The following NOTCH2NLC variants were observed in gnomAD, a reference collection of about 807,000 sequenced individuals.
The protein encoded by NOTCH2NLC is notch 2 N-terminal like C.
NOTCH2NLC carries 4 observed loss-of-function variants against 17.7 expected under a neutral mutation model. The ratio of observed to expected loss-of-function variants is 0.23; its 90% CI spans 0.11 to 0.52. The LOEUF (loss-of-function observed/expected upper bound fraction) is 0.52, where lower values mean the gene tolerates loss of function less well. NOTCH2NLC is among the 20% of genes least tolerant of loss of function. The pLI, the probability that NOTCH2NLC is intolerant of heterozygous loss-of-function variation, is 0.96. For missense variants in NOTCH2NLC, 57 were observed against 207.2 expected, an observed-to-expected ratio of 0.28 and a Z score of 4.45; for synonymous variants, 18 against 86.0, an observed-to-expected ratio of 0.21 and a Z score of 4.38.
At chr1:149,423,996 G>A (rs1156541701) in intron 1 of NOTCH2NLC, among the ~76,000 whole-genome samples, 6 of 150,664 alleles carry the variant, frequency 4.0e-5, no homozygotes, top group African/African-American at 1.2e-4. Flanking sequence ...AACAAAGGGA[G>A]GCTTTTAAGC....
Position 149,417,203 on chromosome 1 carries a change from G to A in NOTCH2NLC, c.136-13739G>A, listed in dbSNP as rs1340216659. ...CTGCTCACTGCAAGCTCCGCCTCCC[G>A]GGTTCACGCCATTCTCCTGCCTCAG... On this transcript the variant is annotated intron_variant, in intron 1 of 4. Transcript: ENST00000650865. Among the ~76,000 whole-genome samples the A allele has an allele frequency of 1.7e-4, 23 of 135,270 alleles. 1 individual carries two copies. Among genetic ancestry groups the A allele is most frequent in the Admixed American group, 5.9e-4 (7 of 11,842 alleles). 88.7% of individuals were successfully genotyped at this position (135,270 alleles called of 152,430 possible). A position where few individuals can be genotyped will look rare whatever the true frequency, so the allele number is the denominator to read the frequency against.
At chr1:149,447,259 G>A (rs1240332410) in intron 2 of NOTCH2NLC, among the ~76,000 whole-genome samples, 1 of 150,804 alleles carries the variant, frequency 6.6e-6, no homozygotes, top group Non-Finnish European at 1.5e-5. Context: ...TTCTTCCCAT[G>A]TCCATAATGC....
chr1:149,435,871 T>A lies in NOTCH2NLC; in HGVS notation c.209+4856T>A, dbSNP rs2084479510. Among the ~76,000 whole-genome samples, 2 of 147,720 alleles carry A rather than the reference T, an allele frequency of 1.4e-5. 1 individual carries two copies. Among genetic ancestry groups the A allele is most frequent in the Non-Finnish European group, 3.0e-5 (2 of 66,576 alleles). On this transcript the variant is annotated intron_variant, in intron 2 of 4. Coordinates refer to ENST00000650865, the MANE Select transcript of NOTCH2NLC (RefSeq NM_001364013.2). The stretch of plus-strand genomic sequence containing the variant: ...TGCTTGCACACTCTTCCTCTTCTGC[T>A]GCATGAACTGGGGTGTACCTTCACG...
intron 1 of NOTCH2NLC, among the ~76,000 whole-genome samples, chr1:149,428,986 A>T (rs1262993652): frequency 1.4e-5 from 2 of 146,498 alleles, no homozygotes; most frequent in African/African-American, 2.5e-5. Context: ...TCAGTTTGAG[A>T]ACTTTGGTAT....
chr1:149,432,267 G>A (rs2084455751), intron 2 of NOTCH2NLC, among the ~76,000 whole-genome samples: 1 of 149,340 alleles, frequency 6.7e-6, no homozygotes, highest in African/African-American at 2.5e-5. Context: ...TCTGACACCA[G>A]GATTTAGTTT....
chr1:149,413,029 C>T (rs1187646900), intron 1 of NOTCH2NLC, among the ~76,000 whole-genome samples: 2 of 146,476 alleles, frequency 1.4e-5, no homozygotes, highest in Non-Finnish European at 3.0e-5. Flanking sequence ...CTTAGCCTCC[C>T]GAGTAGCCGG....
Position 149,390,817 on chromosome 1 carries a change from C to CGGCGGCGGAGGA in NOTCH2NLC, c.38_39insAGGAGGCGGCGG (p.Gly15_Gly18dup), listed in dbSNP as rs1559602077. 6.1e-6 allele frequency: 8 copies of CGGCGGCGGAGGA among 1,301,534 alleles called. 1 individual carries two copies. Among genetic ancestry groups the CGGCGGCGGAGGA allele is most frequent in the African/African-American group, 1.6e-5 (1 of 62,092 alleles). The allele number at this position is 1,301,534 out of a possible 1,614,324, so 80.6% of individuals were successfully genotyped here. On this transcript the variant is annotated inframe_insertion, in exon 1 of 5. Coordinates refer to ENST00000650865, the MANE Select transcript of NOTCH2NLC (RefSeq NM_001364013.2). ...GGATCTGCCCAGGCGGCGGCGGCGG[C>CGGCGGCGGAGGA]GGCGGCGGCGGCGGAGGAGGCGGCG... is the stretch of plus-strand genomic sequence containing the variant.
At chr1:149,424,681 C>A (rs1381088559) in intron 1 of NOTCH2NLC, among the ~76,000 whole-genome samples, 7 of 150,748 alleles carry the variant, frequency 4.6e-5, no homozygotes, top group Non-Finnish European at 8.9e-5. Context: ...TAAAGGAATA[C>A]CTGAGGCTGA....
At chr1:149,445,017 T>G (rs2084541210) in intron 2 of NOTCH2NLC, among the ~76,000 whole-genome samples, 1 of 147,960 alleles carries the variant, frequency 6.8e-6, no homozygotes, top group Non-Finnish European at 1.5e-5. Context: ...TGACAGAGCT[T>G]CTTCTCTTTT....
rs1181831334 is a variant in NOTCH2NLC, at chr1:149,467,355, G to T, written c.*3202G>T. On this transcript the variant is annotated 3_prime_UTR_variant, in exon 5 of 5. Transcript: ENST00000650865. ...AATTTACAATTTTTTCCCTGCAAAGGATACTGTAGTCACTGTGAGTATTTT... is the reference window on the plus strand; with the variant it reads ...AATTTACAATTTTTTCCCTGCAAAGTATACTGTAGTCACTGTGAGTATTTT... The T allele has an allele frequency of 7.0e-6, 1 of 142,158 alleles. No homozygotes were observed. Among genetic ancestry groups the T allele is most frequent in the Non-Finnish European group, 1.5e-5 (1 of 65,694 alleles). The allele number at this position is 142,158 out of a possible 1,614,324, so 8.8% of individuals were successfully genotyped here.
chr1:149,430,378 T>C (rs1367113310), intron 1 of NOTCH2NLC, among the ~76,000 whole-genome samples: 2 of 135,872 alleles, frequency 1.5e-5, no homozygotes, highest in Admixed American at 1.5e-4. Context: ...CGTTTATTTA[T>C]GTATTCCATT....
In NOTCH2NLC at chr1:149,462,833, A is replaced by ATTTTT. The variant is rs878889477; in HGVS notation, c.470-642_470-638dup. On this transcript the variant is annotated intron_variant, in intron 3 of 4. Coordinates refer to ENST00000650865, the MANE Select transcript of NOTCH2NLC (RefSeq NM_001364013.2). ...CACTAGGAAAACAGACGGGAAGTTGATTTTTTTTTTTTTTTTTTTTGAAAT... is the reference window on the plus strand; with the variant it reads ...CACTAGGAAAACAGACGGGAAGTTGATTTTTTTTTTTTTTTTTTTTTTTTTGAAAT... 5.1e-5 allele frequency among the ~76,000 whole-genome samples: 6 copies of ATTTTT among 117,092 alleles called. 1 individual carries two copies. Among genetic ancestry groups the ATTTTT allele is most frequent in the African/African-American group, 9.7e-5 (3 of 31,050 alleles). The allele number at this position is 117,092 out of a possible 152,430, so 76.8% of individuals were successfully genotyped here.
At chr1:149,401,633 C>CT (rs2101465985) in intron 1 of NOTCH2NLC, among the ~76,000 whole-genome samples, 1 of 64,284 alleles carries the variant, frequency 1.6e-5, no homozygotes, top group African/African-American at 6.5e-5. Context: ...CACTGAGAGG[C>CT]TTAACCAGCA....
At chr1:149,395,953 A>T (rs2084205086) in intron 1 of NOTCH2NLC, among the ~76,000 whole-genome samples, 1 of 150,592 alleles carries the variant, frequency 6.6e-6, no homozygotes, top group Non-Finnish European at 1.5e-5. Context: ...CTTGAGGGCC[A>T]GGTCTGTGCT....
intron 3 of NOTCH2NLC, among the ~76,000 whole-genome samples, chr1:149,460,318 C>T (rs1482857895): frequency 2.7e-5 from 4 of 145,566 alleles, no homozygotes; most frequent in Non-Finnish European, 6.1e-5. Flanking sequence ...GTGTGTTCTG[C>T]AAGATTCTGA....
At chr1:149,398,476 T>C (rs1404093941) in intron 1 of NOTCH2NLC, among the ~76,000 whole-genome samples, 86 of 142,110 alleles carry the variant, frequency 6.1e-4, no homozygotes, top group East Asian at 3.5e-3. Flanking sequence ...AGGCAGTGAC[T>C]GAAGTGTGGT....
At chr1:149,460,598 A>C in intron 3 of NOTCH2NLC, among the ~76,000 whole-genome samples, 1 of 149,946 alleles carries the variant, frequency 6.7e-6, no homozygotes. Context: ...TGGCCTCCCA[A>C]AGTGCTGGGA....
At chr1:149,416,519 G>GA (rs1158731220) in intron 1 of NOTCH2NLC, among the ~76,000 whole-genome samples, 1 of 88,738 alleles carries the variant, frequency 1.1e-5, no homozygotes, top group East Asian at 3.1e-4. Flanking sequence ...TGGATAAAAT[G>GA]ATGATGGGTT....
rs1216314608 is a variant in NOTCH2NLC at position 149,438,936 on chromosome 1, A to C, written c.209+7921A>C. 2.1e-4 allele frequency among the ~76,000 whole-genome samples: 31 copies of C among 148,890 alleles called. 2 individuals carry two copies. Among genetic ancestry groups the C allele is most frequent in the African/African-American group, 7.7e-4 (31 of 40,454 alleles). ...CTCACATGTTGCTCAGGCTGGTCTC[A>C]AATTCCTGGGCTCAAGTGATCCTCC... is the stretch of plus-strand genomic sequence containing the variant. On this transcript the variant is annotated intron_variant, in intron 2 of 4. Transcript: ENST00000650865.
Sources: allele counts gnomAD v4.1 joint callset (sites outside exome capture counted in the v4.1 genomes callset), GRCh38; gene constraint gnomAD v4.1.1; transcripts MANE v1.5; gene names NCBI Gene and HGNC (gene_info 2026-07-23, HGNC 2026-07-21).